Variants in MKRN1 observed in about 807,000 individuals in gnomAD.
The protein encoded by MKRN1 is E3 ubiquitin-protein ligase makorin-1.
MKRN1 carries 9 observed loss-of-function variants against 55.5 expected under a neutral mutation model. That is an observed-to-expected ratio of 0.16 (90% CI 0.10 to 0.28). The LOEUF (loss-of-function observed/expected upper bound fraction) is 0.28. MKRN1 is among the 10% of genes least tolerant of loss of function. The pLI, the probability that MKRN1 is intolerant of heterozygous loss-of-function variation, is 1.00. For missense variants in MKRN1, 488 were observed against 626.7 expected (o/e 0.78, Z 2.36); for synonymous variants, 253 against 235.9 (o/e 1.07, Z -0.66).
intron 4 of MKRN1, among the ~76,000 whole-genome samples, chr7:140,457,978 A>G (rs1166160611): frequency 6.6e-6 from 1 of 152,214 alleles, no homozygotes; most frequent in African/African-American, 2.4e-5. Context: ...AATTTAAAAG[A>G]GATGGAAATG....
chr7:140,464,536 C>A (rs1261355762), intron 2 of MKRN1, among the ~76,000 whole-genome samples: 1 of 152,034 alleles, frequency 6.6e-6, no homozygotes, highest in East Asian at 1.9e-4. Flanking sequence ...AACCCCGTGT[C>A]TACTAAAAAC....
chr7:140,470,774 G>A (rs62490449), intron 2 of MKRN1, among the ~76,000 whole-genome samples: 24,007 of 151,606 alleles, frequency 0.16, 2,201 homozygotes, highest in African/African-American at 0.26. Context: ...AAAATTAGCC[G>A]GGCATAGTGG....
chr7:140,461,893 G>C lies in MKRN1; in HGVS notation c.315-1957C>G, dbSNP rs111795113. On this transcript the variant is annotated intron_variant, in intron 2 of 7. Coordinates refer to ENST00000255977, the MANE Select transcript of MKRN1 (RefSeq NM_013446.4). ...AGCTACTTGGGAGGCAGAGGCAGGA[G>C]AATCACTTGAACCTGGGAGGCGGAG... is the stretch of plus-strand genomic sequence containing the variant. Among the ~76,000 whole-genome samples the C allele has an allele frequency of 6.3e-4, 96 of 151,992 alleles. 1 individual carries two copies. Among genetic ancestry groups the C allele is most frequent in the African/African-American group, 2.2e-3 (92 of 41,460 alleles).
rs1040257292 is a variant in MKRN1 at position 140,453,477 on chromosome 7, G to A, written c.*1040C>T. 1 of 152,582 alleles carries A rather than the reference G, an allele frequency of 6.6e-6. No individual in the cohort carries two copies. Among genetic ancestry groups the A allele is most frequent in the African/African-American group, 2.4e-5 (1 of 41,440 alleles). 9.5% of individuals were successfully genotyped at this position (152,582 alleles called of 1,614,324 possible). A position where few individuals can be genotyped will look rare whatever the true frequency, so the allele number is the denominator to read the frequency against. ...AAACACAAAAACCCGACAACAAAAT[G>A]CCTCAAGTGAGGACAAAGGTTTCTC... On this transcript the variant is annotated 3_prime_UTR_variant, in exon 8 of 8. Coordinates refer to ENST00000255977, the MANE Select transcript of MKRN1 (RefSeq NM_013446.4).
intron 2 of MKRN1, chr7:140,460,246 CAAAA>C (rs58698651): frequency 0.012 from 937 of 77,186 alleles, 8 homozygotes; most frequent in Middle Eastern, 0.056. Flanking sequence ...GACTCCGTCT[CAAAA>C]AAAAAAAAAA....
rs986572780 is a variant in MKRN1, at chr7:140,456,809, T to C, written c.829A>G (p.Lys277Glu). ...MELSFAVQRS[K>E]DMVCGICMEV... Reference sequence around the variant, plus strand: ...ATGCAGATCCCACACACCATGTCCTTGCTGCGCTGCACGGCAAATGAGAGC... The same window carrying C: ...ATGCAGATCCCACACACCATGTCCTCGCTGCGCTGCACGGCAAATGAGAGC... The change falls in exon 5 of 8, where the codon AAG becomes GAG. Residue 277 changes from lysine (K) to glutamate (E), a missense_variant. Lys to Glu is a moderately conservative substitution (Grantham distance 56). Transcript: ENST00000255977. 2 of 1,613,988 alleles carry C rather than the reference T, an allele frequency of 1.2e-6. No individual in the cohort carries two copies. The highest frequency in any genetic ancestry group is 3.3e-5 in the Admixed American group (2 of 59,994).
At position 140,477,050 on chromosome 7, in the gene MKRN1, A is replaced by G. The variant is rs545461129; in HGVS notation, c.185+2110T>C. Among the ~76,000 whole-genome samples, 8 of 150,870 alleles carry G rather than the reference A, an allele frequency of 5.3e-5. No homozygotes were observed. In the South Asian group the frequency reaches 1.7e-3, roughly 32 times the overall value. On this transcript the variant is annotated intron_variant, in intron 1 of 7. Transcript: ENST00000255977. ...GAGGCGGGGGTTGTGGTAAGTAGAG[A>G]TCACACCATTGCACTCCAACCTGGG... is the stretch of plus-strand genomic sequence containing the variant.
At chr7:140,457,280 GA>G (rs962802499) in intron 4 of MKRN1, among the ~76,000 whole-genome samples, 1 of 152,110 alleles carries the variant, frequency 6.6e-6, no homozygotes, top group Non-Finnish European at 1.5e-5. Flanking sequence ...TGCCTTTAAA[GA>G]AAAACAACTT....
chr7:140,454,794 T>C (rs1236411097), intron 7 of MKRN1, 65 bp from the exon 8 acceptor site: 5 of 1,532,552 alleles, frequency 3.3e-6, no homozygotes, highest in South Asian at 2.3e-5. Flanking sequence ...CTGTTGTTTA[T>C]AAGGCAAAAC....
chr7:140,476,962 A>G (rs974353839), intron 1 of MKRN1, among the ~76,000 whole-genome samples: 39 of 151,956 alleles, frequency 2.6e-4, no homozygotes, highest in African/African-American at 9.4e-4. Flanking sequence ...GCACGCCTGT[A>G]ATCCCAGCTA....
At chr7:140,455,014 C>T in intron 7 of MKRN1, 81 bp downstream of exon 7, 2 of 1,555,196 alleles carry the variant, frequency 1.3e-6, no homozygotes, top group Non-Finnish European at 1.7e-6. Context: ...CGTTAACCTT[C>T]TCCTTCCCCT....
chr7:140,453,148 G>A lies in MKRN1; in HGVS notation c.*1369C>T, dbSNP rs1794376367. ...CAACAATTATTTGTTTTTTCTTAAAGTGAAAGAATGGGTGGGATCCAAGGA... is the reference window on the plus strand; with the variant it reads ...CAACAATTATTTGTTTTTTCTTAAAATGAAAGAATGGGTGGGATCCAAGGA... On this transcript the variant is annotated 3_prime_UTR_variant, in exon 8 of 8. Transcript: ENST00000255977. 1 of 152,528 alleles carries A rather than the reference G, an allele frequency of 6.6e-6. No homozygotes were observed. The highest frequency in any genetic ancestry group is 1.5e-5 in the Non-Finnish European group (1 of 68,020). The allele number at this position is 152,528 out of a possible 1,614,324, so 9.4% of individuals were successfully genotyped here. A position where few individuals can be genotyped will look rare whatever the true frequency, so the allele number is the denominator to read the frequency against.
At chr7:140,477,098 C>CAAA (rs35476052) in intron 1 of MKRN1, among the ~76,000 whole-genome samples, 957 of 83,510 alleles carry the variant, frequency 0.011, 10 homozygotes, top group African/African-American at 0.032. Flanking sequence ...AACTCTGTCT[C>CAAA]AAAAAAAAAA....
chr7:140,455,751 T>C (rs1242116222), intron 6 of MKRN1, 39 bp downstream of exon 6: 7 of 1,496,260 alleles, frequency 4.7e-6, no homozygotes, highest in Non-Finnish European at 6.5e-6. Flanking sequence ...CCAAGCTCTG[T>C]TGGGCTCTTC....
chr7:140,475,875 T>G (rs1283710520), intron 1 of MKRN1, among the ~76,000 whole-genome samples: 3 of 152,116 alleles, frequency 2.0e-5, no homozygotes, highest in Non-Finnish European at 4.4e-5. Context: ...TAACTCAAGG[T>G]AGCAGATGCA....
intron 2 of MKRN1, among the ~76,000 whole-genome samples, chr7:140,466,510 TA>T (rs1208865555): frequency 6.6e-6 from 1 of 151,794 alleles, no homozygotes; most frequent in Non-Finnish European, 1.5e-5. Flanking sequence ...ACAAACAGAA[TA>T]AAAAAACTTA....
chr7:140,454,772 G>GT, intron 7 of MKRN1, 43 bp from the exon 8 acceptor site: 4 of 1,578,812 alleles, frequency 2.5e-6, no homozygotes, highest in Non-Finnish European at 3.5e-6. Context: ...CTGTCGAGCA[G>GT]TATCTTCTAT....
chr7:140,471,826 G>C (rs1053312340), intron 2 of MKRN1, 57 bp downstream of exon 2: 1 of 1,586,874 alleles, frequency 6.3e-7, no homozygotes, highest in Non-Finnish European at 8.6e-7. Context: ...TCAGAAGTAT[G>C]TCTTTTACCT....
At chr7:140,471,162 T>C (rs559090450) in intron 2 of MKRN1, among the ~76,000 whole-genome samples, 8 of 152,196 alleles carry the variant, frequency 5.3e-5, no homozygotes, top group South Asian at 2.1e-4. Context: ...GGCAGGAAGA[T>C]TGCTTGAGCC....
Sources: allele counts gnomAD v4.1 joint callset (sites outside exome capture counted in the v4.1 genomes callset), GRCh38; gene constraint gnomAD v4.1.1; transcripts MANE v1.5; gene names NCBI Gene and HGNC (gene_info 2026-07-23, HGNC 2026-07-21).